DCC: variants seen among roughly 807,000 people sequenced by gnomAD.
DCC encodes the protein DCC netrin 1 receptor, also known as netrin receptor DCC.
In DCC, 58 loss-of-function variants were observed where a neutral mutation model predicts 172.5. The observed-to-expected ratio is 0.34, with a 90% confidence interval of 0.27 to 0.42. The LOEUF (loss-of-function observed/expected upper bound fraction) is 0.42, where lower values mean the gene tolerates loss of function less well. Among genes scored for constraint, DCC ranks in the 10% least tolerant of loss-of-function variants. The probability of loss-of-function intolerance (pLI) is 1.00; values close to 1 mark genes in which losing one functional copy is unlikely to be tolerated. For missense variants in DCC, 1,740 were observed against 1,791.0 expected (o/e 0.97, Z 0.51); for synonymous variants, 709 against 644.5 (o/e 1.10, Z -1.52).
intron 2 of DCC, among the ~76,000 whole-genome samples, chr18:52,767,263 T>C (rs1173186621): frequency 2.0e-5 from 3 of 152,178 alleles, no homozygotes; most frequent in South Asian, 2.1e-4. Context: ...ATTTTTTTAT[T>C]TGATGATATT....
At chr18:52,877,994 C>A (rs999978616) in intron 2 of DCC, among the ~76,000 whole-genome samples, 1 of 151,924 alleles carries the variant, frequency 6.6e-6, no homozygotes, top group South Asian at 2.1e-4. Context: ...AACATATTTC[C>A]TGTGTGTCTC....
At chr18:52,342,859 AAATT>A (rs141964140) in intron 1 of DCC, among the ~76,000 whole-genome samples, 14,961 of 152,222 alleles carry the variant, frequency 0.098, 1,184 homozygotes, top group African/African-American at 0.22. Flanking sequence ...ATTAATGTCT[AAATT>A]AATTAAATAT....
At chr18:52,474,804 C>T (rs1303890269) in intron 1 of DCC, among the ~76,000 whole-genome samples, 1 of 152,204 alleles carries the variant, frequency 6.6e-6, no homozygotes, top group Non-Finnish European at 1.5e-5. Context: ...GGTTTTCTGT[C>T]TCAGAGAGCC....
chr18:52,435,353 C>T (rs1224881702), intron 1 of DCC, among the ~76,000 whole-genome samples: 2 of 152,040 alleles, frequency 1.3e-5, no homozygotes, highest in East Asian at 3.9e-4. Context: ...TCCCTTGTAC[C>T]CCACTTAGCC....
intron 1 of DCC, among the ~76,000 whole-genome samples, chr18:52,645,343 A>G (rs908273866): frequency 6.6e-6 from 1 of 152,122 alleles, no homozygotes; most frequent in African/African-American, 2.4e-5. Flanking sequence ...TAAATTTTAT[A>G]CTTTCATTGA....
chr18:52,578,462 G>A (rs2033468473), intron 1 of DCC, among the ~76,000 whole-genome samples: 1 of 152,100 alleles, frequency 6.6e-6, no homozygotes. Flanking sequence ...TAGACATTTA[G>A]GTGTTGTTTT....
At chr18:53,001,152 G>A (rs1364364117) in intron 5 of DCC, among the ~76,000 whole-genome samples, 1 of 152,028 alleles carries the variant, frequency 6.6e-6, no homozygotes, top group Admixed American at 6.6e-5. Context: ...ATTCAGACTT[G>A]ACTGATTAAT....
intron 1 of DCC, among the ~76,000 whole-genome samples, chr18:52,484,283 A>G (rs893165233): frequency 6.6e-6 from 1 of 152,118 alleles, no homozygotes; most frequent in Non-Finnish European, 1.5e-5. Context: ...TCTGAGTCTC[A>G]TTTAGATTCA....
rs765428849 is a variant in DCC, at chr18:52,541,875, GTATA to G, written c.91+201015_91+201018del. Among the ~76,000 whole-genome samples the G allele has an allele frequency of 9.5e-5, 11 of 115,186 alleles. No homozygotes were observed. In the South Asian group the frequency reaches 1.2e-3, roughly 12 times the overall value. The allele number at this position is 115,186 out of a possible 152,430, so 75.6% of individuals were successfully genotyped here. On this transcript the variant is annotated intron_variant, in intron 1 of 28. Transcript: ENST00000442544. ...TTAAAAGTATATGATGTGTGTGTGT[GTATA>G]TATATATATATATATATGTGTATAT...
chr18:52,913,334 T>G (rs1169404311), intron 3 of DCC, among the ~76,000 whole-genome samples: 3 of 152,126 alleles, frequency 2.0e-5, no homozygotes, highest in Non-Finnish European at 4.4e-5. Flanking sequence ...TCTGTTTGAT[T>G]CTGAATTAAA....
intron 1 of DCC, among the ~76,000 whole-genome samples, chr18:52,394,317 A>C (rs556658954): frequency 6.6e-6 from 1 of 152,032 alleles, no homozygotes; most frequent in African/African-American, 2.4e-5. Flanking sequence ...CCCAGGCTGG[A>C]GTGCAGAAGT....
chr18:52,817,811 G>C (rs1481566604), intron 2 of DCC, among the ~76,000 whole-genome samples: 1 of 151,748 alleles, frequency 6.6e-6, no homozygotes, highest in Non-Finnish European at 1.5e-5. Context: ...ATATGTGTGT[G>C]TGTGTGTATA....
chr18:53,014,896 T>C (rs1447278778), intron 5 of DCC, among the ~76,000 whole-genome samples: 2 of 152,166 alleles, frequency 1.3e-5, no homozygotes. Context: ...GTAGAGGAAT[T>C]GACATCTCCA....
At chr18:53,016,433 T>G (rs891203584) in intron 5 of DCC, among the ~76,000 whole-genome samples, 1 of 152,150 alleles carries the variant, frequency 6.6e-6, no homozygotes, top group Non-Finnish European at 1.5e-5. Context: ...TGCAAATTTT[T>G]GCCTTAGCTT....
chr18:52,678,028 G>A (rs531671638), intron 1 of DCC, among the ~76,000 whole-genome samples: 1 of 152,210 alleles, frequency 6.6e-6, no homozygotes, highest in South Asian at 2.1e-4. Context: ...AGTGGAAGTG[G>A]GTATAAACTA....
chr18:52,691,461 T>A (rs909921701), intron 1 of DCC, among the ~76,000 whole-genome samples: 6 of 152,082 alleles, frequency 3.9e-5, no homozygotes, highest in African/African-American at 1.4e-4. Flanking sequence ...CCACACTCCT[T>A]CTGGAGGCTT....
chr18:53,247,787 C>T (rs1259339600), intron 12 of DCC, among the ~76,000 whole-genome samples: 1 of 151,976 alleles, frequency 6.6e-6, no homozygotes, highest in East Asian at 1.9e-4. Flanking sequence ...TTTGGTTACC[C>T]TTAGAAGTTG....
intron 2 of DCC, among the ~76,000 whole-genome samples, chr18:52,837,495 C>T (rs1393933067): frequency 1.3e-5 from 2 of 152,174 alleles, no homozygotes; most frequent in Admixed American, 6.5e-5. Flanking sequence ...CAAAATGCCA[C>T]CAGTCTCTTT....
intron 5 of DCC, among the ~76,000 whole-genome samples, chr18:52,927,135 ACG>A (rs1568192140): frequency 0.017 from 1,573 of 94,830 alleles, 336 homozygotes; most frequent in African/African-American, 0.051. Context: ...ACACGTATAT[ACG>A]TGTATATATG....
Sources: gnomAD v4.1 joint callset for allele counts (sites outside exome capture counted in the v4.1 genomes callset) on GRCh38, gnomAD v4.1.1 for gene constraint, MANE v1.5 for transcripts, NCBI Gene and HGNC (gene_info 2026-07-23, HGNC 2026-07-21) for gene names.